The following OVCH1 variants were observed in gnomAD, a reference collection of about 807,000 sequenced individuals.
The protein encoded by OVCH1 is ovochymase-1.
A neutral mutation model predicts 138.4 loss-of-function variants in OVCH1; 139 were observed. That is an observed-to-expected ratio of 1.00 (90% confidence interval 0.87 to 1.16). The LOEUF is 1.16. OVCH1 is among the 50% of genes most tolerant of loss of function. The probability of loss-of-function intolerance (pLI) is 0.00; values close to 1 mark genes in which losing one functional copy is unlikely to be tolerated. For missense variants in OVCH1, 1,367 were observed against 1,357.9 expected, an observed-to-expected ratio of 1.01 and a Z score of -0.11; for synonymous variants, 453 against 467.8, an observed-to-expected ratio of 0.97 and a Z score of 0.41.
At position 29,486,354 on chromosome 12, in the gene OVCH1, A is replaced by G; in HGVS notation, c.893-6T>C. The G allele has an allele frequency of 6.2e-7, 1 of 1,603,796 alleles. No individual in the cohort carries two copies. ...GGGTTGGCCCCGATCCAAACCTGTAAAAGGTATAAGGAGTTAGTGCCTTTC... is the reference window on the plus strand; with the variant it reads ...GGGTTGGCCCCGATCCAAACCTGTAGAAGGTATAAGGAGTTAGTGCCTTTC... On this transcript the variant is annotated splice_region_variant and splice_polypyrimidine_tract_variant and intron_variant, in intron 7 of 27. Coordinates refer to ENST00000318184, the Ensembl canonical transcript of OVCH1.
intron 26 of OVCH1, among the ~76,000 whole-genome samples, chr12:29,439,006 GAAGA>G (rs1195142192): frequency 6.6e-6 from 1 of 152,120 alleles, no homozygotes; most frequent in East Asian, 1.9e-4. Flanking sequence ...AATGTAGACA[GAAGA>G]AAAACTCTCT....
intron 23 of OVCH1, 129 bp from the exon 24 acceptor site, chr12:29,444,409 G>C (rs1427972466): frequency 2.9e-6 from 3 of 1,046,348 alleles, no homozygotes; most frequent in East Asian, 2.7e-5. Flanking sequence ...ATTATTAGGA[G>C]GTGGTTGGTT....
At chr12:29,479,946 C>T (rs1208777973) in intron 8 of OVCH1, among the ~76,000 whole-genome samples, 1 of 151,564 alleles carries the variant, frequency 6.6e-6, no homozygotes, top group Non-Finnish European at 1.5e-5. Flanking sequence ...GCCTCAGCCT[C>T]CCAAGTAGCT....
intron 4 of OVCH1, 42 bp from the exon 5 acceptor site, chr12:29,491,234 C>T (rs775649087): frequency 8.9e-6 from 13 of 1,461,758 alleles, no homozygotes; most frequent in South Asian, 1.2e-5. Flanking sequence ...GATAAATACG[C>T]CATGTTGAAT....
chr12:29,411,293 A>G (rs12423185), downstream of OVCH1, among the ~76,000 whole-genome samples: 4 of 143,956 alleles, frequency 2.8e-5, no homozygotes, highest in South Asian at 9.1e-4. Context: ...GAAGCCTTCT[A>G]CTCTCAACTC....
chr12:29,491,054 C>T, intron 5 of OVCH1, 43 bp downstream of exon 5: 1 of 1,506,020 alleles, frequency 6.6e-7, no homozygotes, highest in Non-Finnish European at 9.2e-7. Context: ...CCTGGACATA[C>T]AGAGAGCTGG....
rs138073725 is a variant in OVCH1 at position 29,439,842 on chromosome 12, A to T, written c.3158-408T>A. ...CTAAAACAACTCACAAAATTCAGGG[A>T]AACACTTTACTTGTGTTTACCTATT... On this transcript the variant is annotated intron_variant, in intron 25 of 27. Transcript: ENST00000318184. Among the ~76,000 whole-genome samples the T allele has an allele frequency of 1.3e-4, 20 of 152,324 alleles. No individual in the cohort carries two copies. The highest frequency in any genetic ancestry group is 1.5e-5 in the Non-Finnish European group (1 of 68,026).
In OVCH1 at chr12:29,487,894, C is replaced by A. The variant is rs775228677; in HGVS notation, c.703-12G>T. On this transcript the variant is annotated splice_polypyrimidine_tract_variant and intron_variant, in intron 6 of 27. Coordinates refer to ENST00000318184, the Ensembl canonical transcript of OVCH1. ...CCTCCAGAGTCCCCCTTTCATGGTA[C>A]AAAAAAAGAGAAAATTTGAAAATAG... 2.5e-6 allele frequency: 4 copies of A among 1,588,532 alleles called. No homozygotes were observed. The highest frequency in any genetic ancestry group is 4.5e-5 in the East Asian group (2 of 44,644).
chr12:29,476,105 A>G, intron 13 of OVCH1, 101 bp downstream of exon 13: 1 of 920,578 alleles, frequency 1.1e-6, no homozygotes, highest in Non-Finnish European at 1.8e-6. Context: ...CAAGAAATTC[A>G]CATTCCCACT....
At chr12:29,450,606 C>T (rs904916464) in intron 22 of OVCH1, among the ~76,000 whole-genome samples, 1 of 152,082 alleles carries the variant, frequency 6.6e-6, no homozygotes. Flanking sequence ...AATACAGTGT[C>T]GCGATTCCTC....
At chr12:29,477,668 C>T (rs1239513900) in intron 9 of OVCH1, 190 bp from the exon 11 acceptor site, 1 of 1,451,532 alleles carries the variant, frequency 6.9e-7, no homozygotes, top group Non-Finnish European at 9.5e-7. Flanking sequence ...TCTCAACCCC[C>T]CAGTCTCACA....
chr12:29,439,921 A>C (rs1450601931), intron 25 of OVCH1, among the ~76,000 whole-genome samples: 1 of 152,234 alleles, frequency 6.6e-6, no homozygotes, highest in East Asian at 1.9e-4. Context: ...ATAGGGCAAG[A>C]TATGGAGACT....
At chr12:29,455,351 A>G (rs538443121) in exon 20 of OVCH1, 2 of 1,613,868 alleles carry the variant, frequency 1.2e-6, no homozygotes, top group African/African-American at 2.7e-5. Flanking sequence ...ACAATGCCAT[A>G]GAGGACAAAG....
At chr12:29,465,991 G>A (rs529127267) in intron 16 of OVCH1, among the ~76,000 whole-genome samples, 3 of 150,576 alleles carry the variant, frequency 2.0e-5, no homozygotes, top group East Asian at 2.0e-4. Flanking sequence ...GCAAACTATC[G>A]CAAGGGCAAA....
At chr12:29,486,597 T>G (rs1198557301) in intron 7 of OVCH1, among the ~76,000 whole-genome samples, 1 of 152,194 alleles carries the variant, frequency 6.6e-6, no homozygotes, top group Admixed American at 6.5e-5. Context: ...AATATTCAAT[T>G]CTCTGATTTT....
At chr12:29,450,753 C>G (rs1178839491) in intron 22 of OVCH1, among the ~76,000 whole-genome samples, 1 of 152,136 alleles carries the variant, frequency 6.6e-6, no homozygotes, top group East Asian at 1.9e-4. Context: ...ATAGCAAACA[C>G]TTGGAATCAA....
rs145601243 is a variant in OVCH1, at chr12:29,444,900, A to T, written c.2881+378T>A. On this transcript the variant is annotated intron_variant, in intron 23 of 27. Transcript: ENST00000318184. ...ATCACTAAAAGAAAATTCTAATCAGAGATAATAAATTGTCCAGAGCTAATC... is the reference window on the plus strand; with the variant it reads ...ATCACTAAAAGAAAATTCTAATCAGTGATAATAAATTGTCCAGAGCTAATC... Among the ~76,000 whole-genome samples, 37 of 152,218 alleles carry T rather than the reference A, an allele frequency of 2.4e-4. 1 individual carries two copies. In the East Asian group the frequency reaches 4.8e-3, roughly 20 times the overall value.
chr12:29,413,189 A>T (rs1940983393), intron 3 of OVCH1, among the ~76,000 whole-genome samples: 1 of 152,128 alleles, frequency 6.6e-6, no homozygotes, highest in Non-Finnish European at 1.5e-5. Context: ...GCTGTGATTA[A>T]GTCTTCCAGA....
Position 29,495,061 on chromosome 12 carries a change from GA to G in OVCH1, c.454+223del, listed in dbSNP as rs74662478. Among the ~76,000 whole-genome samples the G allele has an allele frequency of 0.012, 1,888 of 152,160 alleles. 111 individuals are homozygous for G. In the East Asian group the frequency reaches 0.18, roughly 14 times the overall value. On this transcript the variant is annotated intron_variant, in intron 4 of 27. Coordinates refer to ENST00000318184, the Ensembl canonical transcript of OVCH1. ...TGTATCAATGGAAATAAATGAAAGGGAAAAAATGTTGATTGTTAGGTTAAGC... is the reference window on the plus strand; with the variant it reads ...TGTATCAATGGAAATAAATGAAAGGGAAAAATGTTGATTGTTAGGTTAAGC...
Sources: allele counts gnomAD v4.1 joint callset (sites outside exome capture counted in the v4.1 genomes callset), GRCh38; gene constraint gnomAD v4.1.1; transcripts MANE v1.5; gene names NCBI Gene and HGNC (gene_info 2026-07-23, HGNC 2026-07-21).